The following MSH4 variants were observed in gnomAD, a reference collection of about 807,000 sequenced individuals.
MSH4 encodes the protein mutS protein homolog 4.
A neutral mutation model predicts 113.7 loss-of-function variants in MSH4; 106 were observed. That is an observed-to-expected ratio of 0.93 (90% CI 0.80 to 1.10). MSH4 has a LOEUF of 1.10. MSH4 is among the 50% of genes least tolerant of loss of function. The pLI is 0.00. For synonymous variants in MSH4, 368 were observed against 380.2 expected, an observed-to-expected ratio of 0.97 and a Z score of 0.37; for missense variants, 1,061 against 1,093.7, an observed-to-expected ratio of 0.97 and a Z score of 0.42.
intron 19 of MSH4, among the ~76,000 whole-genome samples, chr1:75,902,833 T>C (rs142625289): frequency 1.3e-5 from 2 of 149,978 alleles, no homozygotes; most frequent in East Asian, 4.0e-4. Flanking sequence ...GAAACATCTA[T>C]TCAGATGTTT....
chr1:75,849,719 C>T (rs1651147479), intron 8 of MSH4, among the ~76,000 whole-genome samples: 1 of 152,234 alleles, frequency 6.6e-6, no homozygotes, highest in African/African-American at 2.4e-5. Flanking sequence ...TTGGAAGTAG[C>T]CCTTCCTCTT....
intron 7 of MSH4, among the ~76,000 whole-genome samples, chr1:75,840,112 G>T (rs1381835010): frequency 6.6e-6 from 1 of 152,070 alleles, no homozygotes; most frequent in Non-Finnish European, 1.5e-5. Flanking sequence ...TCAATGTGGC[G>T]ATTCCTCAGG....
chr1:75,807,659 G>A (rs1650097915), intron 3 of MSH4, among the ~76,000 whole-genome samples: 1 of 152,148 alleles, frequency 6.6e-6, no homozygotes, highest in Non-Finnish European at 1.5e-5. Flanking sequence ...TTGGAAATTA[G>A]GTATGGTTTA....
At chr1:75,850,415 A>G (rs1215766151) in intron 8 of MSH4, among the ~76,000 whole-genome samples, 2 of 152,092 alleles carry the variant, frequency 1.3e-5, no homozygotes, top group African/African-American at 2.4e-5. Flanking sequence ...TCTTTGATGT[A>G]TGGGTTTTTA....
intron 15 of MSH4, 94 bp downstream of exon 15, chr1:75,883,915 A>T (rs371597192): frequency 3.6e-5 from 36 of 1,006,976 alleles, no homozygotes; most frequent in East Asian, 2.9e-4. Flanking sequence ...TAATTAACCC[A>T]AGAACAGTTT....
Position 75,804,085 on chromosome 1 carries a change from T to C in MSH4, c.427+172T>C, listed in dbSNP as rs559277841. ...TTGAGTCTAGATTAATAAGGCAACA[T>C]AGTTTCTGAAATTGTTTGTTAATAA... On this transcript the variant is annotated intron_variant, in intron 2 of 19. Transcript: ENST00000263187. 7.2e-5 allele frequency among the ~76,000 whole-genome samples: 11 copies of C among 152,350 alleles called. No homozygotes were observed. The South Asian group carries it at 1.2e-3, about 17-fold the overall frequency.
rs530929764 is a variant in MSH4 at position 75,865,937 on chromosome 1, C to T, written c.1231-1577C>T. 4.0e-4 allele frequency among the ~76,000 whole-genome samples: 61 copies of T among 152,182 alleles called. No individual in the cohort carries two copies. In the South Asian group the frequency reaches 0.011, roughly 27 times the overall value. The stretch of plus-strand genomic sequence containing the variant: ...TTCATAATTCTACTGGTACTATTTA[C>T]GGAAAAGACTCTCCTTTCCCCACTG... On this transcript the variant is annotated intron_variant, in intron 8 of 19. Coordinates refer to ENST00000263187, the MANE Select transcript of MSH4 (RefSeq NM_002440.4).
intron 19 of MSH4, among the ~76,000 whole-genome samples, chr1:75,903,999 G>A (rs895906944): frequency 6.6e-6 from 1 of 152,040 alleles, no homozygotes; most frequent in Admixed American, 6.6e-5. Flanking sequence ...TTAGTTGTGG[G>A]TTTGTAATGT....
intron 8 of MSH4, among the ~76,000 whole-genome samples, chr1:75,858,037 G>T (rs1179026951): frequency 6.6e-6 from 1 of 152,114 alleles, no homozygotes; most frequent in Non-Finnish European, 1.5e-5. Context: ...AATAGTGAAT[G>T]GGAGTTCACT....
At position 75,880,054 on chromosome 1, in the gene MSH4, C is replaced by A; in HGVS notation, c.1682C>A (p.Ser561Tyr). 1 of 1,543,870 alleles carries A rather than the reference C, an allele frequency of 6.5e-7. No individual in the cohort carries two copies. The highest frequency in any genetic ancestry group is 1.2e-5 in the South Asian group (1 of 85,642). The change falls in exon 13 of 20, where the codon TCT (serine) becomes TAT (tyrosine). Residue 561 changes from serine to tyrosine, a missense_variant. By Grantham distance (144) the Ser-to-Tyr change is moderately radical. Coordinates refer to ENST00000263187, the MANE Select transcript of MSH4 (RefSeq NM_002440.4). ...DQLPSEFIKI[S>Y]KVKNSYSFTS... ...TGTTTTTTAATCTCCAAGCAGATTT[C>A]TAAAGTGAAAAATTCTTACAGCTTT...
chr1:75,886,566 G>A (rs7538911), intron 15 of MSH4, among the ~76,000 whole-genome samples: 110,557 of 114,446 alleles, frequency 0.97, 53,598 homozygotes, highest in East Asian at 1. Context: ...TGTATTATAT[G>A]CAAGTTATTA....
intron 7 of MSH4, among the ~76,000 whole-genome samples, chr1:75,844,583 C>T (rs1030569872): frequency 6.6e-6 from 1 of 152,036 alleles, no homozygotes; most frequent in Non-Finnish European, 1.5e-5. Context: ...GCCTTGGCCT[C>T]CCAAAGTGCT....
chr1:75,888,150 C>T (rs1200356090), intron 15 of MSH4, among the ~76,000 whole-genome samples: 2 of 151,232 alleles, frequency 1.3e-5, no homozygotes, highest in South Asian at 2.1e-4. Flanking sequence ...TTTCTTGCTA[C>T]TCCTTATTCC....
chr1:75,808,379 G>A (rs1213164541), intron 3 of MSH4, among the ~76,000 whole-genome samples: 1 of 151,516 alleles, frequency 6.6e-6, no homozygotes, highest in Non-Finnish European at 1.5e-5. Context: ...GTACACTTAA[G>A]TGTTCATGCT....
intron 11 of MSH4, 100 bp from the exon 12 acceptor site, chr1:75,878,892 A>G: frequency 9.4e-7 from 1 of 1,063,196 alleles, no homozygotes; most frequent in Non-Finnish European, 1.3e-6. Flanking sequence ...GTATAAAATA[A>G]GAATTTAAAA....
At chr1:75,816,629 T>G (rs895904956) in intron 6 of MSH4, 83 bp downstream of exon 6, 6 of 896,976 alleles carry the variant, frequency 6.7e-6, no homozygotes, top group Non-Finnish European at 9.1e-6. Flanking sequence ...GTTCTTTTTT[T>G]CTTTTTTAAA....
intron 5 of MSH4, among the ~76,000 whole-genome samples, chr1:75,816,098 A>T (rs904584102): frequency 6.6e-5 from 10 of 152,206 alleles, no homozygotes; most frequent in South Asian, 2.1e-4. Context: ...ATTACCTTTG[A>T]TTGAATGTTA....
At chr1:75,869,469 GT>G (rs1396007480) in intron 9 of MSH4, among the ~76,000 whole-genome samples, 4 of 152,170 alleles carry the variant, frequency 2.6e-5, no homozygotes, top group Non-Finnish European at 5.9e-5. Context: ...ATGTCTCCAG[GT>G]CATGTCAGAG....
intron 2 of MSH4, among the ~76,000 whole-genome samples, chr1:75,804,997 T>C (rs1479209289): frequency 1.3e-5 from 2 of 151,460 alleles, no homozygotes; most frequent in Non-Finnish European, 2.9e-5. Context: ...CTGGCTAATT[T>C]TGTATTTTTA....
Sources: gnomAD v4.1 joint callset for allele counts (sites outside exome capture counted in the v4.1 genomes callset) on GRCh38, gnomAD v4.1.1 for gene constraint, MANE v1.5 for transcripts, NCBI Gene and HGNC (gene_info 2026-07-23, HGNC 2026-07-21) for gene names.